SLC35D4: variants seen among roughly 807,000 people sequenced by gnomAD.
SLC35D4 encodes UDP-N-acetylglucosamine transporter SLC35D4.
At chr18:23,286,946 A>G in the SLC35D4 span, among the ~76,000 whole-genome samples, 1 of 151,202 alleles carries the variant, frequency 6.6e-6, no homozygotes, top group East Asian at 1.9e-4. Context: ...ACCTTAACCC[A>G]CAAGTATAAG....
chr18:23,330,672 G>A, the SLC35D4 span, among the ~76,000 whole-genome samples: 4 of 152,266 alleles, frequency 2.6e-5, no homozygotes, highest in East Asian at 7.7e-4. Flanking sequence ...CAGCCGGCTC[G>A]CTCTGCGGAG....
At chr18:23,435,313 G>C in the SLC35D4 span, among the ~76,000 whole-genome samples, 1 of 151,862 alleles carries the variant, frequency 6.6e-6, no homozygotes, top group African/African-American at 2.4e-5. Flanking sequence ...GGGCTTTCAT[G>C]ACAGATGTGT....
At chr18:23,377,041 T>A in the SLC35D4 span, 1 of 451,838 alleles carries the variant, frequency 2.2e-6, no homozygotes, top group South Asian at 1.6e-5. Flanking sequence ...CCTCTGTTGG[T>A]TTTCTGTCTC....
the SLC35D4 span, among the ~76,000 whole-genome samples, chr18:23,416,315 T>G: frequency 6.6e-6 from 1 of 152,114 alleles, no homozygotes; most frequent in South Asian, 2.1e-4. Flanking sequence ...AGTCTTAACT[T>G]AGGACCCACT....
the SLC35D4 span, among the ~76,000 whole-genome samples, chr18:23,289,105 C>G: frequency 2.6e-5 from 4 of 152,176 alleles, no homozygotes; most frequent in Non-Finnish European, 5.9e-5. Flanking sequence ...TATTTTCTGT[C>G]TAGTCATACT....
At chr18:23,434,597 C>A in the SLC35D4 span, among the ~76,000 whole-genome samples, 5 of 152,124 alleles carry the variant, frequency 3.3e-5, no homozygotes, top group Non-Finnish European at 7.4e-5. Flanking sequence ...TAAAAACTAG[C>A]CTGAGTAACA....
the SLC35D4 span, among the ~76,000 whole-genome samples, chr18:23,338,083 A>G: frequency 1.3e-5 from 2 of 152,350 alleles, no homozygotes; most frequent in Non-Finnish European, 2.9e-5. Flanking sequence ...CTAGTGAGTG[A>G]TCACAGAACA....
At chr18:23,296,538 C>A in the SLC35D4 span, 1 of 152,158 alleles carries the variant, frequency 6.6e-6, no homozygotes, top group Non-Finnish European at 1.5e-5. Flanking sequence ...GAACTCCCGA[C>A]CTCAGGTGAT....
the SLC35D4 span, among the ~76,000 whole-genome samples, chr18:23,333,310 C>T: frequency 3.3e-5 from 5 of 152,314 alleles, no homozygotes; most frequent in African/African-American, 7.2e-5. Flanking sequence ...TACTGTCTGC[C>T]TATGGGCTCA....
chr18:23,318,000 A>C, the SLC35D4 span, among the ~76,000 whole-genome samples: 1 of 152,198 alleles, frequency 6.6e-6, no homozygotes, highest in Non-Finnish European at 1.5e-5. Context: ...GGCCTCCCAA[A>C]GTGCTGGGAT....
the SLC35D4 span, among the ~76,000 whole-genome samples, chr18:23,383,816 A>G: frequency 6.6e-6 from 1 of 152,000 alleles, no homozygotes; most frequent in African/African-American, 2.4e-5. Context: ...GAAATAAGCC[A>G]GTGACGAGGG....
At chr18:23,244,458 C>T in the SLC35D4 span, among the ~76,000 whole-genome samples, 1 of 152,198 alleles carries the variant, frequency 6.6e-6, no homozygotes, top group African/African-American at 2.4e-5. Flanking sequence ...GTAGGCTACC[C>T]GTTTATTTCC....
At chr18:23,245,607 C>G in the SLC35D4 span, among the ~76,000 whole-genome samples, 1 of 152,006 alleles carries the variant, frequency 6.6e-6, no homozygotes, top group Non-Finnish European at 1.5e-5. Flanking sequence ...TTCCTGTTAT[C>G]TCAGAAGGAA....
the SLC35D4 span, chr18:23,437,954 C>T: frequency 7.8e-7 from 1 of 1,280,342 alleles, no homozygotes; most frequent in South Asian, 1.3e-5. Context: ...CAGCAGCCGC[C>T]CAGAGACGGC....
At chr18:23,405,764 G>C in the SLC35D4 span, among the ~76,000 whole-genome samples, 1 of 152,152 alleles carries the variant, frequency 6.6e-6, no homozygotes, top group Non-Finnish European at 1.5e-5. Context: ...TACATAATTT[G>C]AACTGTTGAC....
the SLC35D4 span, among the ~76,000 whole-genome samples, chr18:23,318,152 C>A: frequency 6.6e-6 from 1 of 152,114 alleles, no homozygotes; most frequent in Admixed American, 6.5e-5. Flanking sequence ...GAAGGGATAC[C>A]TCACTGTGGT....
chr18:23,334,693 T>G, the SLC35D4 span, among the ~76,000 whole-genome samples: 1 of 152,022 alleles, frequency 6.6e-6, no homozygotes, highest in African/African-American at 2.4e-5. Flanking sequence ...AGTGCCACCA[T>G]AGAGTGAAGA....
the SLC35D4 span, among the ~76,000 whole-genome samples, chr18:23,307,075 C>T: frequency 6.6e-6 from 1 of 152,226 alleles, no homozygotes; most frequent in African/African-American, 2.4e-5. Context: ...CTACAGTGAA[C>T]AGAGTCCACC....
chr18:23,418,621 G>A, the SLC35D4 span, among the ~76,000 whole-genome samples: 1 of 151,544 alleles, frequency 6.6e-6, no homozygotes, highest in Admixed American at 6.6e-5. Context: ...TTACAGGCAT[G>A]AGCCACCACA....
Sources: allele counts gnomAD v4.1 joint callset (sites outside exome capture counted in the v4.1 genomes callset), GRCh38; gene constraint gnomAD v4.1.1; transcripts MANE v1.5; gene names NCBI Gene and HGNC (gene_info 2026-07-23, HGNC 2026-07-21).